The following RBFOX1 variants were observed in gnomAD, a reference collection of about 807,000 sequenced individuals.
RBFOX1 encodes RNA binding fox-1 homolog 1.
RBFOX1 carries 8 observed loss-of-function variants against 57.7 expected under a neutral mutation model. The ratio of observed to expected loss-of-function variants is 0.14; its 90% CI spans 0.08 to 0.25. RBFOX1 has a LOEUF of 0.25. Among genes scored for constraint, RBFOX1 ranks in the 10% least tolerant of loss-of-function variants. The pLI, the probability that RBFOX1 is intolerant of heterozygous loss-of-function variation, is 1.00. For synonymous variants in RBFOX1, 326 were observed against 222.4 expected (o/e 1.47, Z -4.15); for missense variants, 611 against 548.5 (o/e 1.11, Z -1.14).
chr16:7,648,463 T>A (rs982127355), intron 11 of RBFOX1, among the ~76,000 whole-genome samples: 3 of 152,158 alleles, frequency 2.0e-5, no homozygotes, highest in African/African-American at 7.2e-5. Context: ...GACCTTGTGA[T>A]CTGCCCACCT....
At chr16:7,428,536 AT>A in intron 4 of RBFOX1, among the ~76,000 whole-genome samples, 1 of 142,216 alleles carries the variant, frequency 7.0e-6, no homozygotes. Flanking sequence ...TATTATTATT[AT>A]TATTTGTAGT....
chr16:6,925,705 A>C (rs1219036369), intron 3 of RBFOX1, among the ~76,000 whole-genome samples: 2 of 152,100 alleles, frequency 1.3e-5, no homozygotes, highest in African/African-American at 4.8e-5. Flanking sequence ...AGTATTTGGT[A>C]GTAAATACAT....
chr16:5,578,027 C>G (rs550097716), intron 2 of RBFOX1, among the ~76,000 whole-genome samples: 177 of 152,330 alleles, frequency 1.2e-3, no homozygotes, highest in African/African-American at 4.2e-3. Context: ...TCTTGGCTCA[C>G]TGCCACCTCC....
At chr16:7,408,029 G>C (rs1352371294) in intron 4 of RBFOX1, among the ~76,000 whole-genome samples, 1 of 152,190 alleles carries the variant, frequency 6.6e-6, no homozygotes, top group Non-Finnish European at 1.5e-5. Flanking sequence ...CAGAAAAAAA[G>C]AAACTGATAA....
Position 7,189,541 on chromosome 16 carries a change from C to G in RBFOX1, c.27+137443C>G, listed in dbSNP as rs1299082276. Among the ~76,000 whole-genome samples the G allele has an allele frequency of 1.3e-4, 19 of 142,708 alleles. 1 individual carries two copies. Among genetic ancestry groups the G allele is most frequent in the African/African-American group, 2.9e-4 (11 of 38,260 alleles). 93.6% of individuals were successfully genotyped at this position (142,708 alleles called of 152,430 possible). The stretch of plus-strand genomic sequence containing the variant: ...AATACATTGCCCCCACTCCAAAACA[C>G]TATGTCCCCCAAAACACACACACAC... On this transcript the variant is annotated intron_variant, in intron 4 of 15. Transcript: ENST00000550418.
rs548384844 is a variant in RBFOX1 at position 6,516,113 on chromosome 16, C to T, written c.-63-138490C>T. The stretch of plus-strand genomic sequence containing the variant: ...ATAGAATCTTGGCTCACTGTAACTT[C>T]CGCCGCCCAGGTTCAAGCAGTTCTT... On this transcript the variant is annotated intron_variant, in intron 2 of 15. Transcript: ENST00000550418. Among the ~76,000 whole-genome samples, 15 of 152,238 alleles carry T rather than the reference C, an allele frequency of 9.9e-5. No homozygotes were observed. In the South Asian group the frequency reaches 3.1e-3, roughly 32 times the overall value.
chr16:5,669,953 C>T (rs963874805), intron 3 of RBFOX1, among the ~76,000 whole-genome samples: 3 of 152,168 alleles, frequency 2.0e-5, no homozygotes, highest in African/African-American at 7.2e-5. Flanking sequence ...CGAGGGAAGA[C>T]TAGATAAACA....
intron 1 of RBFOX1, among the ~76,000 whole-genome samples, chr16:5,243,678 C>G (rs997548701): frequency 3.3e-5 from 5 of 152,090 alleles, no homozygotes; most frequent in Admixed American, 3.3e-4. Flanking sequence ...AGCCATTGGT[C>G]TACACTTGTG....
chr16:6,629,466 A>G (rs1191640031), intron 2 of RBFOX1, among the ~76,000 whole-genome samples: 3 of 152,206 alleles, frequency 2.0e-5, no homozygotes, highest in Non-Finnish European at 4.4e-5. Context: ...TTAATGTCAC[A>G]AATAGTTAAG....
intron 1 of RBFOX1, among the ~76,000 whole-genome samples, chr16:6,189,669 T>G (rs1171351494): frequency 6.6e-6 from 1 of 152,206 alleles, no homozygotes; most frequent in Non-Finnish European, 1.5e-5. Context: ...TTTGGAGTCT[T>G]AATTCACCTG....
At chr16:6,056,530 A>G (rs1418269667) in intron 1 of RBFOX1, among the ~76,000 whole-genome samples, 2 of 152,158 alleles carry the variant, frequency 1.3e-5, no homozygotes, top group Non-Finnish European at 2.9e-5. Flanking sequence ...AAAACCTTGT[A>G]ATTTATTTAT....
intron 4 of RBFOX1, among the ~76,000 whole-genome samples, chr16:7,498,369 A>T (rs2069410807): frequency 6.6e-6 from 1 of 152,090 alleles, no homozygotes; most frequent in African/African-American, 2.4e-5. Flanking sequence ...CCTCTATGAC[A>T]CCTGAACCAA....
chr16:6,756,115 G>A (rs775913725), intron 3 of RBFOX1, among the ~76,000 whole-genome samples: 1 of 152,096 alleles, frequency 6.6e-6, no homozygotes, highest in African/African-American at 2.4e-5. Flanking sequence ...ATTCATAGTA[G>A]AAACCTTTAA....
intron 3 of RBFOX1, among the ~76,000 whole-genome samples, chr16:6,895,500 T>G (rs2066663980): frequency 7.6e-6 from 1 of 132,070 alleles, no homozygotes; most frequent in Admixed American, 7.8e-5. Flanking sequence ...ATTCCCCTAT[T>G]GGATAACAAG....
At chr16:6,094,934 C>G (rs1323245891) in intron 1 of RBFOX1, among the ~76,000 whole-genome samples, 1 of 152,142 alleles carries the variant, frequency 6.6e-6, no homozygotes, top group Admixed American at 6.5e-5. Flanking sequence ...GTGGTGCATG[C>G]CTGTAGTCCC....
At position 7,648,677 on chromosome 16, in the gene RBFOX1, T is replaced by C. The variant is rs910525061; in HGVS notation, c.758-5138T>C. ...GTTGTTGCTGGGTTGTCAGAGAGCATGGTCTGGGGCTATATGGAAGGGTGA... is the reference window on the plus strand; with the variant it reads ...GTTGTTGCTGGGTTGTCAGAGAGCACGGTCTGGGGCTATATGGAAGGGTGA... On this transcript the variant is annotated intron_variant, in intron 11 of 15. Transcript: ENST00000550418. Among the ~76,000 whole-genome samples, 66 of 152,276 alleles carry C rather than the reference T, an allele frequency of 4.3e-4. 1 individual carries two copies. The highest frequency in any genetic ancestry group is 3.4e-3 in the Middle Eastern group (1 of 294).
intron 1 of RBFOX1, among the ~76,000 whole-genome samples, chr16:6,254,855 G>C (rs1170150440): frequency 6.6e-6 from 1 of 151,960 alleles, no homozygotes; most frequent in Non-Finnish European, 1.5e-5. Flanking sequence ...CCTGTTCTCT[G>C]GGATTTACAT....
chr16:5,521,273 C>G (rs1055306774), intron 2 of RBFOX1, among the ~76,000 whole-genome samples: 1 of 149,046 alleles, frequency 6.7e-6, no homozygotes, highest in African/African-American at 2.5e-5. Flanking sequence ...CCAGTGCTTT[C>G]TCAAGGGAGG....
intron 5 of RBFOX1, among the ~76,000 whole-genome samples, chr16:7,536,350 T>G (rs975085781): frequency 1.1e-4 from 17 of 152,174 alleles, no homozygotes; most frequent in African/African-American, 4.1e-4. Flanking sequence ...TCCCAGTACT[T>G]TGGGAGGCCA....
Sources: gnomAD v4.1 joint callset for allele counts (sites outside exome capture counted in the v4.1 genomes callset) on GRCh38, gnomAD v4.1.1 for gene constraint, MANE v1.5 for transcripts, NCBI Gene and HGNC (gene_info 2026-07-23, HGNC 2026-07-21) for gene names.